REDIC1: variants seen among roughly 807,000 people sequenced by gnomAD.
REDIC1 encodes the protein HEI10 Interacting Protein 1.
the REDIC1 span, chr12:39,829,412 T>TC: frequency 1.3e-5 from 1 of 76,378 alleles, no homozygotes; most frequent in Admixed American, 1.6e-4. Context: ...TTTTTTTTTT[T>TC]TTTCTTTTTT....
the REDIC1 span, among the ~76,000 whole-genome samples, chr12:39,682,138 A>G: frequency 6.6e-6 from 1 of 152,086 alleles, no homozygotes. Flanking sequence ...GGAACTTTAT[A>G]ATTGTTTTTA....
chr12:39,719,100 T>C, the REDIC1 span, among the ~76,000 whole-genome samples: 4 of 152,104 alleles, frequency 2.6e-5, no homozygotes, highest in Admixed American at 2.6e-4. Context: ...TGTACGTAGA[T>C]TTAGCTTTTG....
At chr12:39,687,650 A>G in the REDIC1 span, among the ~76,000 whole-genome samples, 2 of 152,248 alleles carry the variant, frequency 1.3e-5, no homozygotes, top group Non-Finnish European at 2.9e-5. Context: ...ATTATAATTC[A>G]ACATGAGATT....
chr12:39,684,701 C>T, the REDIC1 span, among the ~76,000 whole-genome samples: 5 of 152,064 alleles, frequency 3.3e-5, no homozygotes, highest in African/African-American at 7.2e-5. Context: ...AAGATTGACC[C>T]GCACATAATA....
chr12:39,670,623 A>G, the REDIC1 span, among the ~76,000 whole-genome samples: 2 of 152,088 alleles, frequency 1.3e-5, no homozygotes, highest in Admixed American at 1.3e-4. Flanking sequence ...TTCAGCTATT[A>G]TTTTATCAAA....
At chr12:39,640,238 C>T in the REDIC1 span, among the ~76,000 whole-genome samples, 8 of 151,660 alleles carry the variant, frequency 5.3e-5, no homozygotes, top group African/African-American at 1.2e-4. Context: ...AAAGAGGCTA[C>T]GTAGAGTCAG....
At chr12:39,707,136 G>A in the REDIC1 span, among the ~76,000 whole-genome samples, 2 of 151,874 alleles carry the variant, frequency 1.3e-5, no homozygotes, top group Non-Finnish European at 2.9e-5. Flanking sequence ...TTAATATAAT[G>A]TATAAGGAGT....
chr12:39,674,895 C>T, the REDIC1 span, among the ~76,000 whole-genome samples: 2 of 152,174 alleles, frequency 1.3e-5, no homozygotes, highest in African/African-American at 2.4e-5. Context: ...TTTTCATGAG[C>T]AGAATCTTGG....
At chr12:39,707,486 G>A in the REDIC1 span, among the ~76,000 whole-genome samples, 1 of 151,836 alleles carries the variant, frequency 6.6e-6, no homozygotes, top group South Asian at 2.1e-4. Context: ...GCTACCATAT[G>A]ATCAAGCATC....
At chr12:39,778,552 T>C in the REDIC1 span, among the ~76,000 whole-genome samples, 3 of 152,214 alleles carry the variant, frequency 2.0e-5, no homozygotes, top group African/African-American at 7.2e-5. Context: ...TATTATTAAT[T>C]TTATTTATTT....
the REDIC1 span, among the ~76,000 whole-genome samples, chr12:39,765,226 A>C: frequency 6.6e-6 from 1 of 152,088 alleles, no homozygotes; most frequent in African/African-American, 2.4e-5. Flanking sequence ...TCAGAGCCAG[A>C]TACTTTTCAT....
the REDIC1 span, among the ~76,000 whole-genome samples, chr12:39,828,152 C>G: frequency 3.3e-5 from 5 of 152,076 alleles, no homozygotes. Context: ...TGAACACATC[C>G]TGCCTTTTTG....
At chr12:39,710,715 G>T in the REDIC1 span, among the ~76,000 whole-genome samples, 260 of 151,704 alleles carry the variant, frequency 1.7e-3, 1 homozygote, top group Non-Finnish European at 2.8e-3. Flanking sequence ...ACACTTAGCT[G>T]CCTACTACTT....
At chr12:39,636,292 A>G in the REDIC1 span, among the ~76,000 whole-genome samples, 1 of 152,036 alleles carries the variant, frequency 6.6e-6, no homozygotes. Flanking sequence ...TTTTTGCTTT[A>G]TTGGTTTAAC....
the REDIC1 span, among the ~76,000 whole-genome samples, chr12:39,788,866 A>G: frequency 2.0e-5 from 3 of 152,166 alleles, no homozygotes; most frequent in Non-Finnish European, 4.4e-5. Flanking sequence ...ACTCATCTAC[A>G]TGTAGCCATC....
At chr12:39,720,959 A>G in the REDIC1 span, 21 of 1,613,658 alleles carry the variant, frequency 1.3e-5, no homozygotes, top group South Asian at 1.8e-4. Flanking sequence ...AATTTCTACC[A>G]GTTCTCAGTG....
At chr12:39,841,569 CAT>C in the REDIC1 span, among the ~76,000 whole-genome samples, 1 of 152,122 alleles carries the variant, frequency 6.6e-6, no homozygotes, top group East Asian at 1.9e-4. Flanking sequence ...TATACATATA[CAT>C]ATGTGTATAT....
At chr12:39,737,383 C>T in the REDIC1 span, among the ~76,000 whole-genome samples, 1 of 152,234 alleles carries the variant, frequency 6.6e-6, no homozygotes, top group African/African-American at 2.4e-5. Flanking sequence ...CTTAACCTAA[C>T]TTTTACCTCA....
the REDIC1 span, among the ~76,000 whole-genome samples, chr12:39,747,687 G>C: frequency 6.6e-6 from 1 of 152,170 alleles, no homozygotes; most frequent in Non-Finnish European, 1.5e-5. Context: ...GAAAGGTTGG[G>C]TTACCCACAA....
Sources: gnomAD v4.1 joint callset for allele counts (sites outside exome capture counted in the v4.1 genomes callset) on GRCh38, gnomAD v4.1.1 for gene constraint, MANE v1.5 for transcripts, NCBI Gene and HGNC (gene_info 2026-07-23, HGNC 2026-07-21) for gene names.